The following GRID1 variants were observed in gnomAD, a reference collection of about 807,000 sequenced individuals.
The protein encoded by GRID1 is glutamate receptor ionotropic, delta-1.
GRID1 carries 28 observed loss-of-function variants against 98.0 expected under a neutral mutation model. The observed-to-expected ratio is 0.29, with a 90% CI of 0.21 to 0.39. The LOEUF is 0.39. GRID1 is among the 10% of genes least tolerant of loss of function. The probability of loss-of-function intolerance (pLI) is 1.00; values close to 1 mark genes in which losing one functional copy is unlikely to be tolerated. For synonymous variants in GRID1, 553 were observed against 538.5 expected (o/e 1.03, Z -0.37); for missense variants, 1,111 against 1,340.5 (o/e 0.83, Z 2.67).
intron 13 of GRID1, among the ~76,000 whole-genome samples, chr10:85,620,634 C>T (rs1276916173): frequency 6.6e-6 from 1 of 152,158 alleles, no homozygotes; most frequent in Non-Finnish European, 1.5e-5. Context: ...CCATTAGGGA[C>T]AGGGCTTGAC....
chr10:86,211,074 G>C (rs760082063), intron 2 of GRID1, among the ~76,000 whole-genome samples: 1 of 151,906 alleles, frequency 6.6e-6, no homozygotes, highest in Non-Finnish European at 1.5e-5. Context: ...CTTTCTTCTT[G>C]GGGGGGTCAA....
chr10:86,257,597 A>T (rs2132052992), intron 2 of GRID1, among the ~76,000 whole-genome samples: 1 of 152,346 alleles, frequency 6.6e-6, no homozygotes, highest in Admixed American at 6.5e-5. Context: ...ACCCTAGATA[A>T]GGAGGGAGAG....
intron 8 of GRID1, among the ~76,000 whole-genome samples, chr10:85,772,678 G>C (rs1029735468): frequency 3.3e-5 from 5 of 152,192 alleles, no homozygotes; most frequent in Non-Finnish European, 7.3e-5. Context: ...ACTACCATCA[G>C]AGAATACTAT....
chr10:86,025,831 C>T (rs2131889748), intron 4 of GRID1, among the ~76,000 whole-genome samples: 1 of 152,298 alleles, frequency 6.6e-6, no homozygotes, highest in South Asian at 2.1e-4. Flanking sequence ...TGGAATAATG[C>T]CTCTGGCCCA....
chr10:85,609,660 C>T (rs756645665), intron 15 of GRID1, among the ~76,000 whole-genome samples: 2 of 152,202 alleles, frequency 1.3e-5, no homozygotes, highest in African/African-American at 2.4e-5. Context: ...TGCCCGGCCA[C>T]CCTGGCCTCA....
intron 4 of GRID1, among the ~76,000 whole-genome samples, chr10:86,129,241 C>T (rs1158937127): frequency 6.6e-6 from 1 of 152,154 alleles, no homozygotes; most frequent in Non-Finnish European, 1.5e-5. Context: ...TCAGAGGTGT[C>T]CAGTCCCCCT....
chr10:85,941,465 C>G (rs1451957174), intron 4 of GRID1, among the ~76,000 whole-genome samples: 1 of 152,120 alleles, frequency 6.6e-6, no homozygotes, highest in East Asian at 1.9e-4. Flanking sequence ...ATAAATAAAA[C>G]TATTAACGAT....
intron 4 of GRID1, among the ~76,000 whole-genome samples, chr10:86,101,584 T>C (rs1844296458): frequency 6.6e-6 from 1 of 152,086 alleles, no homozygotes; most frequent in Non-Finnish European, 1.5e-5. Context: ...AATTATCTCA[T>C]GTTGCTGTAT....
At chr10:85,728,162 A>G (rs2132656825) in intron 9 of GRID1, 110 bp from the exon 10 acceptor site, 3 of 830,362 alleles carry the variant, frequency 3.6e-6, no homozygotes, top group African/African-American at 1.7e-5. Flanking sequence ...CAGTTCCCCA[A>G]TTTAGGACTT....
At chr10:85,608,142 C>A (rs1842693949) in intron 15 of GRID1, among the ~76,000 whole-genome samples, 1 of 152,172 alleles carries the variant, frequency 6.6e-6, no homozygotes, top group Non-Finnish European at 1.5e-5. Context: ...TTCCATGACA[C>A]CAGTGTGTCA....
intron 8 of GRID1, among the ~76,000 whole-genome samples, chr10:85,802,226 A>G (rs574740719): frequency 1.3e-5 from 2 of 152,280 alleles, no homozygotes; most frequent in East Asian, 3.9e-4. Flanking sequence ...TTCACAAGGA[A>G]CTTGGAGGGA....
At position 86,102,772 on chromosome 10, in the gene GRID1, G is replaced by A. The variant is rs76394102; in HGVS notation, c.726+36047C>T. ...ACCAGACTGCGAGGCCTATGGAAGGGCAGGTGATATGGTTTGGCTGTGTCT... is the reference window on the plus strand; with the variant it reads ...ACCAGACTGCGAGGCCTATGGAAGGACAGGTGATATGGTTTGGCTGTGTCT... On this transcript the variant is annotated intron_variant, in intron 4 of 15. Coordinates refer to ENST00000327946, the MANE Select transcript of GRID1 (RefSeq NM_017551.3). Among the ~76,000 whole-genome samples, 815 of 152,052 alleles carry A rather than the reference G, an allele frequency of 5.4e-3. 8 individuals are homozygous for A. The highest frequency in any genetic ancestry group is 0.019 in the African/African-American group (784 of 41,476).
chr10:86,341,609 C>CCG (rs1848311831), intron 2 of GRID1, among the ~76,000 whole-genome samples: 1 of 152,302 alleles, frequency 6.6e-6, no homozygotes, highest in Admixed American at 6.5e-5. Context: ...AACAGACACA[C>CCG]TGAGAGAACA....
Position 86,336,672 on chromosome 10 carries a change from T to A in GRID1, c.235+27269A>T, listed in dbSNP as rs537639081. ...ATATCAGGTACTAAAGCGCAATGAT[T>A]AGGTGACAAACCTCATTTGCCAGAA... On this transcript the variant is annotated intron_variant, in intron 2 of 15. Coordinates refer to ENST00000327946, the MANE Select transcript of GRID1 (RefSeq NM_017551.3). Among the ~76,000 whole-genome samples, 5 of 152,208 alleles carry A rather than the reference T, an allele frequency of 3.3e-5. No homozygotes were observed. In the East Asian group the frequency reaches 7.7e-4, roughly 23 times the overall value.
At chr10:85,764,828 A>T (rs562289848) in intron 8 of GRID1, among the ~76,000 whole-genome samples, 1 of 152,328 alleles carries the variant, frequency 6.6e-6, no homozygotes, top group South Asian at 2.1e-4. Flanking sequence ...CAATTCAAGG[A>T]AAAGAGAATG....
intron 4 of GRID1, among the ~76,000 whole-genome samples, chr10:86,041,742 A>T (rs1843348173): frequency 6.6e-6 from 1 of 152,204 alleles, no homozygotes; most frequent in Non-Finnish European, 1.5e-5. Context: ...ACTAACATCA[A>T]GTCTGTGACC....
intron 4 of GRID1, among the ~76,000 whole-genome samples, chr10:86,098,837 G>A (rs1364877249): frequency 6.6e-6 from 1 of 152,168 alleles, no homozygotes; most frequent in East Asian, 1.9e-4. Flanking sequence ...TTTACCTACT[G>A]GAAATGATCA....
At chr10:85,900,603 T>C (rs1160133240) in intron 5 of GRID1, among the ~76,000 whole-genome samples, 5 of 152,224 alleles carry the variant, frequency 3.3e-5, no homozygotes, top group Admixed American at 6.5e-5. Context: ...TGGAGTCTGA[T>C]TCCATAGCAA....
At chr10:86,134,769 C>G (rs1844890714) in intron 4 of GRID1, among the ~76,000 whole-genome samples, 1 of 152,182 alleles carries the variant, frequency 6.6e-6, no homozygotes. Flanking sequence ...AGACCCAGAC[C>G]CAGAGTCACC....
Sources: allele counts gnomAD v4.1 joint callset (sites outside exome capture counted in the v4.1 genomes callset), GRCh38; gene constraint gnomAD v4.1.1; transcripts MANE v1.5; gene names NCBI Gene and HGNC (gene_info 2026-07-23, HGNC 2026-07-21).